FAM117B: variants seen among roughly 807,000 people sequenced by gnomAD.
The protein encoded by FAM117B is protein FAM117B.
In FAM117B, 22 loss-of-function variants were observed where a neutral mutation model predicts 52.8. The ratio of observed to expected loss-of-function variants is 0.42; its 90% CI spans 0.30 to 0.59. The LOEUF is 0.59. FAM117B is among the 20% of genes least tolerant of loss of function. The pLI is 0.22. For synonymous variants in FAM117B, 309 were observed against 324.1 expected (o/e 0.95, Z 0.50); for missense variants, 678 against 802.6 (o/e 0.84, Z 1.88).
At chr2:202,669,400 A>G (rs1690257455) in intron 1 of FAM117B, among the ~76,000 whole-genome samples, 1 of 152,150 alleles carries the variant, frequency 6.6e-6, no homozygotes, top group Non-Finnish European at 1.5e-5. Context: ...TAGTATGGAA[A>G]TCTGTGAATT....
rs1485407508 is a variant in FAM117B at position 202,731,432 on chromosome 2, TTTTA to T, written c.960+5081_960+5084del. Among the ~76,000 whole-genome samples, 6 of 147,630 alleles carry T rather than the reference TTTTA, an allele frequency of 4.1e-5. No individual in the cohort carries two copies. The East Asian group carries it at 1.0e-3, about 24-fold the overall frequency. ...TAAACTTTTATTTATTTTTATTTTA[TTTTA>T]TTTATTTATTTTGGGATGGAGTCTC... is the stretch of plus-strand genomic sequence containing the variant. On this transcript the variant is annotated intron_variant, in intron 4 of 7. Transcript: ENST00000392238.
At chr2:202,743,681 G>C (rs1691584194) in intron 4 of FAM117B, among the ~76,000 whole-genome samples, 1 of 152,136 alleles carries the variant, frequency 6.6e-6, no homozygotes, top group Non-Finnish European at 1.5e-5. Context: ...TTGAATAAAA[G>C]AGATAGATAG....
Position 202,643,990 on chromosome 2 carries a change from G to T in FAM117B, c.601+8202G>T, listed in dbSNP as rs548192985. On this transcript the variant is annotated intron_variant, in intron 1 of 7. Coordinates refer to ENST00000392238, the MANE Select transcript of FAM117B (RefSeq NM_173511.4). ...CTCCCAAAATGCTGGAATTACAGGC[G>T]TGAGCCACCGTGCCTGGCCTACACA... Among the ~76,000 whole-genome samples, 37 of 150,476 alleles carry T rather than the reference G, an allele frequency of 2.5e-4. 1 individual carries two copies. The highest frequency in any genetic ancestry group is 8.6e-4 in the African/African-American group (35 of 40,674).
chr2:202,732,852 AAAT>A (rs1255752015), intron 4 of FAM117B, among the ~76,000 whole-genome samples: 4 of 146,526 alleles, frequency 2.7e-5, no homozygotes, highest in African/African-American at 1.1e-4. Context: ...ATAAATAAAT[AAAT>A]AAAAGAAAAC....
At chr2:202,757,077 A>C (rs16839308) in intron 5 of FAM117B, 136 bp from the exon 6 acceptor site, 199,999 of 899,586 alleles carry the variant, frequency 0.22, 24,486 homozygotes, top group South Asian at 0.37. Flanking sequence ...AACGTGCAAC[A>C]TGAAATCCTA....
chr2:202,641,298 C>A (rs1281772190), intron 1 of FAM117B, among the ~76,000 whole-genome samples: 1 of 152,170 alleles, frequency 6.6e-6, no homozygotes, highest in African/African-American at 2.4e-5. Flanking sequence ...CTATCATATT[C>A]AGTTCTTTGT....
intron 1 of FAM117B, among the ~76,000 whole-genome samples, chr2:202,677,776 G>A (rs1690400953): frequency 6.6e-6 from 1 of 152,172 alleles, no homozygotes; most frequent in Non-Finnish European, 1.5e-5. Context: ...AGAATCTGGA[G>A]TCATAATAGG....
Position 202,765,734 on chromosome 2 carries a change from A to T in FAM117B, c.1740A>T (p.Pro580=), listed in dbSNP as rs1214022848. ...TGCCATCAGCTTCTCTACTCCCACC[A>T]CCAGAACCAATTGAGGAAGCTGAAG... is the stretch of plus-strand genomic sequence containing the variant. The part of the protein sequence containing the change: ...TVMPSASLLP[P]PEPIEEAEG Residue 580 remains proline, a synonymous_variant, in exon 8 of 8, where the codon CCA becomes CCT. Coordinates refer to ENST00000392238, the MANE Select transcript of FAM117B (RefSeq NM_173511.4). The T allele has an allele frequency of 6.2e-7, 1 of 1,613,914 alleles. No homozygotes were observed. The highest frequency in any genetic ancestry group is 2.2e-5 in the East Asian group (1 of 44,864).
intron 1 of FAM117B, among the ~76,000 whole-genome samples, chr2:202,659,152 C>T (rs990322388): frequency 6.6e-5 from 10 of 151,794 alleles, no homozygotes; most frequent in African/African-American, 1.5e-4. Context: ...ATTACAGGCA[C>T]GCACCACCAC....
At chr2:202,722,337 A>G (rs561081442) in intron 2 of FAM117B, among the ~76,000 whole-genome samples, 1 of 152,266 alleles carries the variant, frequency 6.6e-6, no homozygotes, top group African/African-American at 2.4e-5. Flanking sequence ...AAACTTAAAC[A>G]TGTTTGTTTA....
In FAM117B at chr2:202,753,668, G is replaced by T. The variant is rs189956215; in HGVS notation, c.961-1870G>T. 4.0e-5 allele frequency among the ~76,000 whole-genome samples: 6 copies of T among 150,104 alleles called. No individual in the cohort carries two copies. The East Asian group carries it at 1.2e-3, about 29-fold the overall frequency. On this transcript the variant is annotated intron_variant, in intron 4 of 7. Coordinates refer to ENST00000392238, the MANE Select transcript of FAM117B (RefSeq NM_173511.4). ...ACAAGGAACTTAAACAAATTTACAA[G>T]AAAAAAGCAACCCCATCAAAAAATG...
At chr2:202,736,446 A>AT (rs977554659) in intron 4 of FAM117B, among the ~76,000 whole-genome samples, 14 of 152,052 alleles carry the variant, frequency 9.2e-5, no homozygotes, top group African/African-American at 2.9e-4. Context: ...GTGCTTACTA[A>AT]TTTTTTTACC....
chr2:202,769,524 T>G lies in FAM117B; in HGVS notation c.*3760T>G, dbSNP rs1243716240. The G allele has an allele frequency of 1.3e-5, 2 of 152,644 alleles. No homozygotes were observed. The highest frequency in any genetic ancestry group is 2.9e-5 in the Non-Finnish European group (2 of 68,044). The allele number at this position is 152,644 out of a possible 1,614,324, so 9.5% of individuals were successfully genotyped here. A position where few individuals can be genotyped will look rare whatever the true frequency, so the allele number is the denominator to read the frequency against. ...AGCATTTTGTTTATACAGTCTTGTT[T>G]AAGAATAGAATTTTTTTAACTCTTC... On this transcript the variant is annotated 3_prime_UTR_variant, in exon 8 of 8. Transcript: ENST00000392238.
At chr2:202,681,850 G>A (rs1158659079) in intron 1 of FAM117B, among the ~76,000 whole-genome samples, 2 of 152,160 alleles carry the variant, frequency 1.3e-5, no homozygotes, top group Non-Finnish European at 2.9e-5. Context: ...GTACTATATG[G>A]CCCAGTGTGA....
intron 1 of FAM117B, among the ~76,000 whole-genome samples, chr2:202,678,402 C>T (rs1437084690): frequency 2.6e-5 from 4 of 152,046 alleles, no homozygotes; most frequent in East Asian, 3.9e-4. Context: ...TCACATAGCC[C>T]GTGAAAAAAC....
At chr2:202,645,276 T>C (rs1689842389) in intron 1 of FAM117B, among the ~76,000 whole-genome samples, 1 of 148,946 alleles carries the variant, frequency 6.7e-6, no homozygotes, top group African/African-American at 2.5e-5. Context: ...GTTTCTTTTT[T>C]TTCTTTCTTT....
rs1435961631 is a variant in FAM117B at position 202,636,822 on chromosome 2, T to C, written c.601+1034T>C. Among the ~76,000 whole-genome samples the C allele has an allele frequency of 3.3e-5, 5 of 152,364 alleles. No homozygotes were observed. The East Asian group carries it at 9.6e-4, about 29-fold the overall frequency. On this transcript the variant is annotated intron_variant, in intron 1 of 7. Coordinates refer to ENST00000392238, the MANE Select transcript of FAM117B (RefSeq NM_173511.4). Reference sequence around the variant, plus strand: ...GAAATAGTTTCCGAAATGGAAGGAATAGGATGACTCTTTCTTACTATTTAT... The same window carrying C: ...GAAATAGTTTCCGAAATGGAAGGAACAGGATGACTCTTTCTTACTATTTAT...
At chr2:202,666,505 A>T (rs1057152002) in intron 1 of FAM117B, among the ~76,000 whole-genome samples, 5 of 151,678 alleles carry the variant, frequency 3.3e-5, no homozygotes, top group South Asian at 2.1e-4. Context: ...ATTTTTTTTT[A>T]AATTGTATCT....
At chr2:202,681,863 A>G (rs1690467324) in intron 1 of FAM117B, among the ~76,000 whole-genome samples, 1 of 152,218 alleles carries the variant, frequency 6.6e-6, no homozygotes, top group Non-Finnish European at 1.5e-5. Flanking sequence ...CAGTGTGAGA[A>G]CTGACATCCC....
Sources: gnomAD v4.1 joint callset for allele counts (sites outside exome capture counted in the v4.1 genomes callset) on GRCh38, gnomAD v4.1.1 for gene constraint, MANE v1.5 for transcripts, NCBI Gene and HGNC (gene_info 2026-07-23, HGNC 2026-07-21) for gene names.